Variants in MYO3B observed in about 807,000 individuals in gnomAD.
MYO3B encodes myosin IIIB.
Under a neutral mutation model 174.6 loss-of-function variants are expected in MYO3B, and 156 were observed. The ratio of observed to expected loss-of-function variants is 0.89; its 90% CI spans 0.78 to 1.02. MYO3B has a LOEUF of 1.02. Among genes scored for constraint, MYO3B ranks in the 50% least tolerant of loss-of-function variants. The pLI is 0.00. For missense variants in MYO3B, 1,632 were observed against 1,639.4 expected, an observed-to-expected ratio of 1.00 and a Z score of 0.08; for synonymous variants, 563 against 569.1, an observed-to-expected ratio of 0.99 and a Z score of 0.15.
intron 7 of MYO3B, among the ~76,000 whole-genome samples, chr2:170,277,278 G>A (rs982878066): frequency 1.3e-5 from 2 of 152,210 alleles, no homozygotes; most frequent in Non-Finnish European, 2.9e-5. Context: ...CTAGTGTGTT[G>A]TTAGAGCATA....
intron 7 of MYO3B, chr2:170,332,381 T>C (rs2093917919): frequency 6.6e-6 from 1 of 152,042 alleles, no homozygotes; most frequent in Non-Finnish European, 1.5e-5. Flanking sequence ...AAAAACAGGA[T>C]TCTGGGATCA....
chr2:170,375,247 A>G (rs146707873), intron 9 of MYO3B, among the ~76,000 whole-genome samples: 2 of 152,296 alleles, frequency 1.3e-5, no homozygotes, highest in East Asian at 3.9e-4. Flanking sequence ...TCAGAGAAGT[A>G]GATTGAAAAC....
intron 29 of MYO3B, 66 bp downstream of exon 29, chr2:170,515,088 G>A: frequency 7.3e-7 from 1 of 1,372,182 alleles, no homozygotes; most frequent in African/African-American, 1.4e-5. Context: ...AGGTTCCAAA[G>A]CTGGAAGTGA....
chr2:170,462,521 C>T (rs557840953), intron 23 of MYO3B, among the ~76,000 whole-genome samples: 1 of 152,380 alleles, frequency 6.6e-6, no homozygotes, highest in East Asian at 1.9e-4. Context: ...GACATCCTCA[C>T]CCCATGGGAA....
intron 1 of MYO3B, among the ~76,000 whole-genome samples, chr2:170,183,755 T>A (rs552426242): frequency 1.2e-4 from 18 of 152,298 alleles, no homozygotes; most frequent in Non-Finnish European, 2.4e-4. Context: ...TCTTTTTTCT[T>A]GATTTTTATT....
At chr2:170,223,664 G>T (rs1184369431) in intron 6 of MYO3B, among the ~76,000 whole-genome samples, 3 of 152,172 alleles carry the variant, frequency 2.0e-5, no homozygotes, top group Admixed American at 6.5e-5. Flanking sequence ...TAGCAAAAGG[G>T]ATACAAGCCT....
At chr2:170,400,096 G>A in intron 16 of MYO3B, 92 bp from the exon 17 acceptor site, 1 of 1,527,396 alleles carries the variant, frequency 6.5e-7, no homozygotes. Flanking sequence ...AATGGACTTT[G>A]GTAGACAACT....
intron 6 of MYO3B, among the ~76,000 whole-genome samples, chr2:170,218,236 T>C (rs1391135526): frequency 6.6e-6 from 1 of 152,200 alleles, no homozygotes; most frequent in Non-Finnish European, 1.5e-5. Context: ...CCATCATCTA[T>C]GGCTCTTTCT....
At chr2:170,591,936 A>C (rs776191822) in intron 32 of MYO3B, among the ~76,000 whole-genome samples, 2 of 152,248 alleles carry the variant, frequency 1.3e-5, no homozygotes, top group Non-Finnish European at 2.9e-5. Flanking sequence ...GTTGCTTCTC[A>C]ACTCAAGGCA....
chr2:170,375,365 C>G (rs941897267), intron 9 of MYO3B, among the ~76,000 whole-genome samples: 3 of 152,158 alleles, frequency 2.0e-5, no homozygotes, highest in Non-Finnish European at 4.4e-5. Context: ...CGACCATGAA[C>G]TCAACCGTGA....
At chr2:170,311,030 G>A (rs2093735655) in intron 7 of MYO3B, among the ~76,000 whole-genome samples, 1 of 152,122 alleles carries the variant, frequency 6.6e-6, no homozygotes, top group Non-Finnish European at 1.5e-5. Flanking sequence ...TTTATTTTTG[G>A]TTTACGGGGC....
intron 32 of MYO3B, among the ~76,000 whole-genome samples, chr2:170,596,247 T>C (rs1694137109): frequency 6.6e-6 from 1 of 152,198 alleles, no homozygotes; most frequent in Non-Finnish European, 1.5e-5. Flanking sequence ...GGGTTTGTTG[T>C]AATACAACAA....
rs564514447 is a variant in MYO3B at position 170,434,277 on chromosome 2, C to A, written c.2651-9690C>A. Among the ~76,000 whole-genome samples, 6 of 152,246 alleles carry A rather than the reference C, an allele frequency of 3.9e-5. No homozygotes were observed. The South Asian group carries it at 6.2e-4, about 16-fold the overall frequency. ...TGATCATGGCTCACTGCAGCCTCAA[C>A]CTCCCGGGCTCAACTTGTTATATAT... On this transcript the variant is annotated intron_variant, in intron 22 of 34. Transcript: ENST00000408978.
Position 170,603,627 on chromosome 2 carries a change from G to C in MYO3B, c.3734-48001G>C, listed in dbSNP as rs558833219. Among the ~76,000 whole-genome samples the C allele has an allele frequency of 2.6e-5, 4 of 152,258 alleles. No individual in the cohort carries two copies. The South Asian group carries it at 8.3e-4, about 32-fold the overall frequency. On this transcript the variant is annotated intron_variant, in intron 32 of 34. Coordinates refer to ENST00000408978, the MANE Select transcript of MYO3B (RefSeq NM_138995.5). ...CCAATCCAACAGTCTTTGGGATTTAGGATGACAGTTGTCTACTTCATATTG... is the reference window on the plus strand; with the variant it reads ...CCAATCCAACAGTCTTTGGGATTTACGATGACAGTTGTCTACTTCATATTG...
intron 7 of MYO3B, among the ~76,000 whole-genome samples, chr2:170,266,607 A>G (rs1400128067): frequency 6.6e-6 from 1 of 152,242 alleles, no homozygotes; most frequent in Non-Finnish European, 1.5e-5. Context: ...GGACTCTGAC[A>G]CAAATGAGAG....
chr2:170,348,203 CT>C (rs1322643532), intron 8 of MYO3B: 1 of 152,100 alleles, frequency 6.6e-6, no homozygotes, highest in Non-Finnish European at 1.5e-5. Context: ...TATTTCGTTC[CT>C]CTTTATGGCT....
In MYO3B at chr2:170,653,811, TGGTGATG is replaced by T. The variant is rs1699147101; in HGVS notation, c.*691_*697del. On this transcript the variant is annotated 3_prime_UTR_variant, in exon 35 of 35. Coordinates refer to ENST00000408978, the MANE Select transcript of MYO3B (RefSeq NM_138995.5). ...CCTTGCCAAGACACCCACACTACTTTGGTGATGAAAAGAAAGGAATGAGAGGGAAAGT... is the reference window on the plus strand; with the variant it reads ...CCTTGCCAAGACACCCACACTACTTTAAAAGAAAGGAATGAGAGGGAAAGT... 6.6e-6 allele frequency: 1 copy of T among 152,208 alleles called. No individual in the cohort carries two copies. The highest frequency in any genetic ancestry group is 2.4e-5 in the African/African-American group (1 of 41,444). 9.4% of individuals were successfully genotyped at this position (152,208 alleles called of 1,614,324 possible). A position where few individuals can be genotyped will look rare whatever the true frequency, so the allele number is the denominator to read the frequency against.
At chr2:170,624,978 T>C (rs1696275050) in intron 32 of MYO3B, among the ~76,000 whole-genome samples, 1 of 152,252 alleles carries the variant, frequency 6.6e-6, no homozygotes, top group Non-Finnish European at 1.5e-5. Context: ...CAGTATTTTA[T>C]TGAGGATTTT....
intron 8 of MYO3B, chr2:170,340,923 G>C (rs1174592811): frequency 6.6e-6 from 1 of 152,238 alleles, no homozygotes; most frequent in Middle Eastern, 3.4e-3. Flanking sequence ...TAGCATACTG[G>C]TGTGTCTATT....
Sources: allele counts gnomAD v4.1 joint callset (sites outside exome capture counted in the v4.1 genomes callset), GRCh38; gene constraint gnomAD v4.1.1; transcripts MANE v1.5; gene names NCBI Gene and HGNC (gene_info 2026-07-23, HGNC 2026-07-21).